The following SEMA3D variants were observed in gnomAD, a reference collection of about 807,000 sequenced individuals.
SEMA3D encodes semaphorin 3D, also known as semaphorin-3D.
In SEMA3D, 84 loss-of-function variants were observed where a neutral mutation model predicts 100.1. The observed-to-expected ratio is 0.84, with a 90% CI of 0.70 to 1.01. The LOEUF (loss-of-function observed/expected upper bound fraction) is 1.01, where lower values mean the gene tolerates loss of function less well. Among genes scored for constraint, SEMA3D ranks in the 50% least tolerant of loss-of-function variants. The pLI, the probability that SEMA3D is intolerant of heterozygous loss-of-function variation, is 0.00. For missense variants in SEMA3D, 875 were observed against 934.1 expected (o/e 0.94, Z 0.82); for synonymous variants, 312 against 320.7 (o/e 0.97, Z 0.29).
At chr7:85,068,375 A>G in intron 6 of SEMA3D, 91 bp from the exon 7 acceptor site, 1 of 719,464 alleles carries the variant, frequency 1.4e-6, no homozygotes, top group South Asian at 1.6e-5. Context: ...CCAACTCATG[A>G]ATTTGATAAA....
At chr7:85,012,617 CAG>C (rs1163617234) in intron 17 of SEMA3D, among the ~76,000 whole-genome samples, 163 bp downstream of exon 17, 2 of 151,730 alleles carry the variant, frequency 1.3e-5, no homozygotes, top group Non-Finnish European at 2.9e-5. Flanking sequence ...GGCACGTAGA[CAG>C]GGGTTGATTT....
At position 84,995,845 on chromosome 7, in the gene SEMA3D, CT is replaced by C. The variant is rs1367724867; in HGVS notation, c.*3594del. 2 of 151,894 alleles carry C rather than the reference CT, an allele frequency of 1.3e-5. No homozygotes were observed. The highest frequency in any genetic ancestry group is 2.9e-5 in the Non-Finnish European group (2 of 67,882). 9.4% of individuals were successfully genotyped at this position (151,894 alleles called of 1,614,324 possible). ...AGAGGTATAAGTCATGTGTATGATCCTGTCTTTGCACTCCTAATGTATGGAA... is the reference window on the plus strand; with the variant it reads ...AGAGGTATAAGTCATGTGTATGATCCGTCTTTGCACTCCTAATGTATGGAA... On this transcript the variant is annotated 3_prime_UTR_variant, in exon 19 of 19. Coordinates refer to ENST00000284136, the MANE Select transcript of SEMA3D (RefSeq NM_001384900.1).
the SEMA3D span, among the ~76,000 whole-genome samples, chr7:85,212,626 T>C: frequency 7.2e-5 from 11 of 152,118 alleles, no homozygotes; most frequent in South Asian, 1.9e-3. Flanking sequence ...AAAATGCTTC[T>C]TTTTAATATT....
chr7:85,237,451 C>T, the SEMA3D span, among the ~76,000 whole-genome samples: 1 of 152,172 alleles, frequency 6.6e-6, no homozygotes, highest in Admixed American at 6.5e-5. Flanking sequence ...CTCATACCTT[C>T]CTGTCTGCTA....
the SEMA3D span, among the ~76,000 whole-genome samples, chr7:85,199,116 A>G: frequency 1.3e-5 from 2 of 151,684 alleles, no homozygotes; most frequent in African/African-American, 4.8e-5. Flanking sequence ...CTAGTTTTTA[A>G]TTGTGTTATT....
intron 3 of SEMA3D, among the ~76,000 whole-genome samples, chr7:85,116,256 T>TATAATTGCATATGTATACAATTGTATAC (rs1353156536): frequency 2.8e-4 from 42 of 147,472 alleles, no homozygotes; most frequent in African/African-American, 9.6e-4. Flanking sequence ...AAATTGTATA[T>TATAATTGCATATGTATACAATTGTATAC]ATAATTGCAT....
At chr7:85,096,753 C>G (rs974033406) in intron 4 of SEMA3D, among the ~76,000 whole-genome samples, 1 of 151,682 alleles carries the variant, frequency 6.6e-6, no homozygotes, top group East Asian at 1.9e-4. Context: ...GCCCTGAGAA[C>G]AAATAATTCT....
At chr7:85,038,823 C>T (rs1033453728) in intron 11 of SEMA3D, among the ~76,000 whole-genome samples, 2 of 152,136 alleles carry the variant, frequency 1.3e-5, no homozygotes, top group African/African-American at 2.4e-5. Context: ...TCTTTATTCT[C>T]ATATTTGAAC....
At chr7:85,162,353 C>G (rs1230885821) in intron 1 of SEMA3D, among the ~76,000 whole-genome samples, 1 of 152,030 alleles carries the variant, frequency 6.6e-6, no homozygotes, top group Admixed American at 6.6e-5. Flanking sequence ...AAACCACACC[C>G]TTATCATAAG....
intron 2 of SEMA3D, among the ~76,000 whole-genome samples, chr7:85,146,958 C>G (rs1022056757): frequency 6.6e-6 from 1 of 151,888 alleles, no homozygotes; most frequent in African/African-American, 2.4e-5. Context: ...GTAAGTGAAC[C>G]GGAAAAACAT....
chr7:85,076,655 T>C (rs1282408406), intron 5 of SEMA3D, among the ~76,000 whole-genome samples: 1 of 152,304 alleles, frequency 6.6e-6, no homozygotes, highest in Non-Finnish European at 1.5e-5. Flanking sequence ...TCTTAACTGG[T>C]TTTATTTTTA....
the SEMA3D span, among the ~76,000 whole-genome samples, chr7:85,212,824 T>A: frequency 6.6e-5 from 10 of 152,054 alleles, no homozygotes; most frequent in Non-Finnish European, 1.3e-4. Flanking sequence ...CCACTCAATT[T>A]ATAGCAGTTT....
intron 5 of SEMA3D, 26 bp from the exon 6 acceptor site, chr7:85,073,107 T>C: frequency 6.2e-7 from 1 of 1,607,944 alleles, no homozygotes; most frequent in Non-Finnish European, 8.5e-7. Flanking sequence ...ATTAAAAGCA[T>C]TAACACACAA....
chr7:85,066,913 C>CACACACACACACACACACAGAGAGAGAG, intron 7 of SEMA3D, among the ~76,000 whole-genome samples: 4 of 127,820 alleles, frequency 3.1e-5, no homozygotes, highest in African/African-American at 1.3e-4. Flanking sequence ...CACACACACA[C>CACACACACACACACACACAGAGAGAGAG]AGAGAGAGAG....
intron 3 of SEMA3D, among the ~76,000 whole-genome samples, chr7:85,110,955 A>G (rs1398991885): frequency 6.6e-6 from 1 of 152,050 alleles, no homozygotes; most frequent in Non-Finnish European, 1.5e-5. Flanking sequence ...AGGTCTGTTA[A>G]ATTTAATGTT....
At chr7:85,151,493 T>G (rs1790384996) in intron 2 of SEMA3D, 1 of 335,854 alleles carries the variant, frequency 3.0e-6, no homozygotes, top group Admixed American at 6.5e-5. Context: ...TAGTTCTTAA[T>G]CAGAACTAGG....
chr7:85,181,590 G>T (rs1023673384), intron 1 of SEMA3D: 7 of 153,150 alleles, frequency 4.6e-5, no homozygotes, highest in African/African-American at 1.7e-4. Context: ...ATAATTTCAA[G>T]TAATGTATGT....
In SEMA3D at chr7:85,006,900, T is replaced by C. The variant is rs1392440503; in HGVS notation, c.1810A>G (p.Ile604Val). The C allele has an allele frequency of 6.2e-7, 1 of 1,610,820 alleles. No individual in the cohort carries two copies. The highest frequency in any genetic ancestry group is 8.5e-7 in the Non-Finnish European group (1 of 1,178,036). ...TCCAGAAAGGTTGAGTTAAATTCAA[T>C]GCCAAAAATCACCTTTTCATCAGCA... is the stretch of plus-strand genomic sequence containing the variant. Reference protein sequence around the residue: ...ETADEKVIFGIEFNSTFLECI... With the variant: ...ETADEKVIFGVEFNSTFLECI... The change falls in exon 18 of 19, where the codon ATT (isoleucine) becomes GTT (valine). Residue 604 changes from isoleucine (I) to valine (V), a missense_variant. Transcript: ENST00000284136.
At position 85,165,591 on chromosome 7, in the gene SEMA3D, C is replaced by T. The variant is rs561968778; in HGVS notation, c.-172-11852G>A. Among the ~76,000 whole-genome samples the T allele has an allele frequency of 7.4e-4, 113 of 152,182 alleles. 2 individuals carry two copies. The South Asian group carries it at 0.022, about 30-fold the overall frequency. On this transcript the variant is annotated intron_variant, in intron 1 of 18. Coordinates refer to ENST00000284136, the MANE Select transcript of SEMA3D (RefSeq NM_001384900.1). ...GGCCAGTCACTTTATTTGAGTTTAC[C>T]TTATCAGGAGAAAATCATGCTTCAC... is the stretch of plus-strand genomic sequence containing the variant.
Sources: allele counts gnomAD v4.1 joint callset (sites outside exome capture counted in the v4.1 genomes callset), GRCh38; gene constraint gnomAD v4.1.1; transcripts MANE v1.5; gene names NCBI Gene and HGNC (gene_info 2026-07-23, HGNC 2026-07-21).